Variants in MTHFD1L observed in about 807,000 individuals in gnomAD.
MTHFD1L encodes monofunctional C1-tetrahydrofolate synthase, mitochondrial.
Under a neutral mutation model 119.5 loss-of-function variants are expected in MTHFD1L, and 81 were observed. That is an observed-to-expected ratio of 0.68 (90% CI 0.57 to 0.82). The LOEUF (loss-of-function observed/expected upper bound fraction) is 0.82. MTHFD1L is among the 40% of genes least tolerant of loss of function. MTHFD1L has a pLI of 0.00. For synonymous variants in MTHFD1L, 430 were observed against 475.2 expected, an observed-to-expected ratio of 0.90 and a Z score of 1.24; for missense variants, 1,125 against 1,253.4, an observed-to-expected ratio of 0.90 and a Z score of 1.55.
At chr6:150,977,159 C>A (rs116942783) in intron 20 of MTHFD1L, among the ~76,000 whole-genome samples, 3 of 152,174 alleles carry the variant, frequency 2.0e-5, no homozygotes, top group South Asian at 2.1e-4. Flanking sequence ...TGATTAAGTA[C>A]TATATTAGTT....
At chr6:150,994,813 G>A (rs185351128) in intron 20 of MTHFD1L, among the ~76,000 whole-genome samples, 26 of 152,260 alleles carry the variant, frequency 1.7e-4, no homozygotes, top group South Asian at 2.1e-4. Context: ...ATACAGAACC[G>A]TCTTTAGAGC....
chr6:150,876,916 A>T (rs910026030), intron 2 of MTHFD1L, among the ~76,000 whole-genome samples: 2 of 152,250 alleles, frequency 1.3e-5, no homozygotes, highest in Non-Finnish European at 2.9e-5. Flanking sequence ...ATCTGTAGCC[A>T]CATCTTGTTA....
intron 20 of MTHFD1L, among the ~76,000 whole-genome samples, chr6:150,978,230 A>G (rs1776920798): frequency 6.6e-6 from 1 of 151,900 alleles, no homozygotes. Context: ...AAAATTACAC[A>G]ATTCTTGGAT....
chr6:150,982,100 AAGAGAG>A (rs562014750), intron 20 of MTHFD1L, among the ~76,000 whole-genome samples: 95 of 151,268 alleles, frequency 6.3e-4, no homozygotes, highest in African/African-American at 2.2e-3. Flanking sequence ...TCTTGAAAGA[AAGAGAG>A]AGAGAGAGGG....
chr6:151,091,591 C>T (rs1794455836), intron 26 of MTHFD1L, among the ~76,000 whole-genome samples: 1 of 152,174 alleles, frequency 6.6e-6, no homozygotes, highest in Non-Finnish European at 1.5e-5. Flanking sequence ...CTCATACCCT[C>T]ATGCCTAAGT....
chr6:151,049,065 C>T lies in MTHFD1L; in HGVS notation c.2847+11948C>T, dbSNP rs879690781. Among the ~76,000 whole-genome samples the T allele has an allele frequency of 3.3e-5, 5 of 152,286 alleles. No individual in the cohort carries two copies. The South Asian group carries it at 6.2e-4, about 19-fold the overall frequency. On this transcript the variant is annotated intron_variant, in intron 26 of 27. Transcript: ENST00000367321. ...CTTCTCTGACTGCCTGGCTAAAAAC[C>T]GCATTCACAGCCGGGCACGGTGGCT...
intron 11 of MTHFD1L, among the ~76,000 whole-genome samples, chr6:150,933,349 CCA>C (rs919836385): frequency 6.6e-6 from 1 of 152,094 alleles, no homozygotes; most frequent in Non-Finnish European, 1.5e-5. Flanking sequence ...ATATTTGATG[CCA>C]CAGTTTCTTT....
intron 27 of MTHFD1L, among the ~76,000 whole-genome samples, 180 bp from the exon 28 acceptor site, chr6:151,101,346 T>C (rs1288043181): frequency 1.3e-5 from 2 of 152,134 alleles, no homozygotes. Flanking sequence ...ACTCTGCTTC[T>C]CCACGTCTGC....
chr6:150,905,798 G>T (rs751701953), intron 8 of MTHFD1L, 37 bp downstream of exon 8: 5 of 1,446,462 alleles, frequency 3.5e-6, no homozygotes. Context: ...CCACTGATTA[G>T]GTCAGATAGT....
chr6:150,890,017 G>A (rs898098390), intron 7 of MTHFD1L, among the ~76,000 whole-genome samples: 2 of 152,088 alleles, frequency 1.3e-5, no homozygotes, highest in Admixed American at 6.5e-5. Flanking sequence ...TTAGCTGGAT[G>A]TGGTGGCACA....
At chr6:150,943,138 A>G (rs1793413052) in intron 13 of MTHFD1L, among the ~76,000 whole-genome samples, 1 of 152,032 alleles carries the variant, frequency 6.6e-6, no homozygotes, top group South Asian at 2.1e-4. Flanking sequence ...AAAATTAACC[A>G]GGTGTGGTGG....
At chr6:150,940,805 C>T (rs761287873) in intron 13 of MTHFD1L, among the ~76,000 whole-genome samples, 37 of 152,132 alleles carry the variant, frequency 2.4e-4, no homozygotes, top group Non-Finnish European at 4.7e-4. Context: ...GTCTTGAACT[C>T]CTGACCTCAG....
chr6:150,956,593 G>A (rs1364397153), intron 17 of MTHFD1L, among the ~76,000 whole-genome samples: 1 of 152,148 alleles, frequency 6.6e-6, no homozygotes, highest in African/African-American at 2.4e-5. Context: ...AATAGATATT[G>A]GATGTGCGTC....
At chr6:150,938,001 G>A (rs910796576) in intron 12 of MTHFD1L, among the ~76,000 whole-genome samples, 5 of 152,072 alleles carry the variant, frequency 3.3e-5, no homozygotes, top group South Asian at 4.2e-4. Flanking sequence ...GTGGTTATGC[G>A]GTGGTTTTTT....
chr6:151,094,505 G>A (rs182986386), intron 27 of MTHFD1L, among the ~76,000 whole-genome samples: 315 of 152,210 alleles, frequency 2.1e-3, no homozygotes, highest in South Asian at 5.8e-3. Context: ...TGGGATTACA[G>A]GTGTGTGCCA....
chr6:151,093,523 G>C (rs1317317686), intron 27 of MTHFD1L, among the ~76,000 whole-genome samples: 1 of 152,126 alleles, frequency 6.6e-6, no homozygotes, highest in Admixed American at 6.6e-5. Context: ...TGGGCGTGTT[G>C]GTGGGCACCT....
At chr6:150,867,285 G>C (rs1429249469) in intron 1 of MTHFD1L, among the ~76,000 whole-genome samples, 1 of 152,136 alleles carries the variant, frequency 6.6e-6, no homozygotes, top group Non-Finnish European at 1.5e-5. Flanking sequence ...TCCGCCTCCT[G>C]GGCTCAAGCG....
chr6:151,045,501 C>T (rs149863043), intron 26 of MTHFD1L, among the ~76,000 whole-genome samples: 1 of 152,360 alleles, frequency 6.6e-6, no homozygotes, highest in East Asian at 1.9e-4. Flanking sequence ...AAATGGCCCT[C>T]GTCTCTCCAA....
At chr6:150,879,690 C>T (rs1174364035) in intron 4 of MTHFD1L, among the ~76,000 whole-genome samples, 5 of 137,200 alleles carry the variant, frequency 3.6e-5, no homozygotes, top group African/African-American at 5.6e-5. Flanking sequence ...AGTCCAATGG[C>T]GCAATCTCCT....
Sources: allele counts gnomAD v4.1 joint callset (sites outside exome capture counted in the v4.1 genomes callset), GRCh38; gene constraint gnomAD v4.1.1; transcripts MANE v1.5; gene names NCBI Gene and HGNC (gene_info 2026-07-23, HGNC 2026-07-21).